The following ATRX variants were observed in gnomAD, a reference collection of about 807,000 sequenced individuals.
ATRX encodes chromatin remodeler ATRX.
ATRX carries 12 observed loss-of-function variants against 172.6 expected under a neutral mutation model. The observed-to-expected ratio is 0.07, with a 90% CI of 0.04 to 0.11. The LOEUF (loss-of-function observed/expected upper bound fraction) is 0.11. ATRX is among the 10% of genes least tolerant of loss of function. ATRX has a pLI of 1.00. For synonymous variants in ATRX, 674 were observed against 594.7 expected, an observed-to-expected ratio of 1.13 and a Z score of -1.94; for missense variants, 1,368 against 1,767.4, an observed-to-expected ratio of 0.77 and a Z score of 4.05.
intron 30 of ATRX, among the ~76,000 whole-genome samples, chrX:77,541,119 A>G (rs185893787): frequency 1.1e-3 from 122 of 112,230 alleles, no homozygotes; most frequent in Non-Finnish European, 2.0e-3. Flanking sequence ...GACGCAATAA[A>G]AAATGATAAA....
intron 21 of ATRX, among the ~76,000 whole-genome samples, chrX:77,617,388 G>A (rs1283935958): frequency 2.7e-5 from 3 of 111,015 alleles, no homozygotes; most frequent in Non-Finnish European, 5.7e-5. Context: ...TAGCCAACCT[G>A]ACCAAACGGA....
At chrX:77,524,343 T>C (rs2063318740) in intron 30 of ATRX, among the ~76,000 whole-genome samples, 1 of 112,391 alleles carries the variant, frequency 8.9e-6, no homozygotes, top group African/African-American at 3.2e-5. Flanking sequence ...TTCTAAATTG[T>C]GCATTTCTGA....
intron 28 of ATRX, among the ~76,000 whole-genome samples, chrX:77,568,776 T>C (rs1444957740): frequency 9.0e-6 from 1 of 111,689 alleles, no homozygotes; most frequent in Non-Finnish European, 1.9e-5. Context: ...GGAGTTTTAT[T>C]CCAGGCATGA....
intron 30 of ATRX, among the ~76,000 whole-genome samples, chrX:77,550,618 C>A (rs1557055549): frequency 9.1e-6 from 1 of 109,730 alleles, no homozygotes; most frequent in Admixed American, 9.8e-5. Context: ...CTGGCCAGGG[C>A]AATCAGGCAG....
chrX:77,535,164 A>G (rs782618223), intron 30 of ATRX, among the ~76,000 whole-genome samples: 18 of 112,330 alleles, frequency 1.6e-4, no homozygotes, highest in Non-Finnish European at 2.6e-4. Flanking sequence ...AGTGAATTTG[A>G]TAAGTAACTA....
intron 1 of ATRX, among the ~76,000 whole-genome samples, chrX:77,765,590 T>C (rs1367181468): frequency 8.9e-6 from 1 of 112,369 alleles, no homozygotes; most frequent in Non-Finnish European, 1.9e-5. Flanking sequence ...GGGAGTCAGA[T>C]AACCTTGGTT....
Position 77,697,625 on chromosome X carries a change from G to A in ATRX, c.200C>T (p.Ser67Phe). 8.3e-7 allele frequency: 1 copy of A among 1,209,180 alleles called. No individual in the cohort carries two copies. The highest frequency in any genetic ancestry group is 1.1e-6 in the Non-Finnish European group (1 of 893,865). ...TCCTGAAGACTTGGATTTTTCTGAA[G>A]AGCTAGTTCCCTAGATGTGAGACAT... ...MENSKEEGTS[S>F]SEKSKSSGSS... Residue 67 changes from serine (S) to phenylalanine (F), a missense_variant, in exon 4 of 35, where the codon TCT becomes TTT. By Grantham distance (155) the Ser-to-Phe change is radical (BLOSUM62 -2). Coordinates refer to ENST00000373344, the MANE Select transcript of ATRX (RefSeq NM_000489.6).
chrX:77,664,850 C>T (rs2148499734), intron 10 of ATRX, 72 bp from the exon 11 acceptor site: 3 of 977,651 alleles, frequency 3.1e-6, no homozygotes, highest in Non-Finnish European at 4.2e-6. Context: ...AAAATAAAAA[C>T]AGACTTCTTT....
intron 30 of ATRX, among the ~76,000 whole-genome samples, chrX:77,527,625 C>A (rs1206041411): frequency 1.8e-5 from 2 of 111,591 alleles, no homozygotes; most frequent in Admixed American, 9.4e-5. Context: ...GGGATCCCCG[C>A]CAAGGCATAA....
chrX:77,540,036 TCAAGAC>T (rs2063911294), intron 30 of ATRX, among the ~76,000 whole-genome samples: 1 of 111,178 alleles, frequency 9.0e-6, no homozygotes, highest in African/African-American at 3.3e-5. Flanking sequence ...TTGGATAGAA[TCAAGAC>T]CCATTGGTGT....
At chrX:77,739,571 CTAA>C (rs369680092) in intron 1 of ATRX, among the ~76,000 whole-genome samples, 2 of 110,387 alleles carry the variant, frequency 1.8e-5, no homozygotes, top group Non-Finnish European at 3.8e-5. Flanking sequence ...ACATAGGGTG[CTAA>C]TAATAAGAAA....
intron 22 of ATRX, among the ~76,000 whole-genome samples, chrX:77,609,886 G>C (rs898887929): frequency 1.1e-4 from 12 of 111,841 alleles, no homozygotes; most frequent in African/African-American, 3.9e-4. Context: ...TGGACATTAG[G>C]TACAAAAATA....
At chrX:77,686,498 C>G (rs1460748452) in intron 7 of ATRX, among the ~76,000 whole-genome samples, 3 of 111,223 alleles carry the variant, frequency 2.7e-5, no homozygotes, top group Non-Finnish European at 5.7e-5. Context: ...GGTGGATCAC[C>G]TGAGGTCAGG....
rs782391479 is a variant in ATRX at position 77,593,829 on chromosome X, TAGA to T, written c.5974_5976del (p.Ser1992del). The stretch of plus-strand genomic sequence containing the variant: ...CAGTCTGGAGCTGGGCTGCTTGGAT[TAGA>T]AGAAGAAGTAGCTTTACCTAAATAA... On this transcript the variant is annotated inframe_deletion, in exon 26 of 35. Coordinates refer to ENST00000373344, the MANE Select transcript of ATRX (RefSeq NM_000489.6). 96 of 1,207,185 alleles carry T rather than the reference TAGA, an allele frequency of 8.0e-5. No individual in the cohort carries two copies. Among genetic ancestry groups the T allele is most frequent in the African/African-American group, 5.1e-4 (29 of 56,943 alleles).
At chrX:77,534,420 TAAA>T (rs1320095464) in intron 30 of ATRX, among the ~76,000 whole-genome samples, 4 of 112,139 alleles carry the variant, frequency 3.6e-5, no homozygotes, top group Non-Finnish European at 5.6e-5. Context: ...GAGCAAGTTA[TAAA>T]AGTTAATAAA....
chrX:77,648,042 G>A (rs886822213), intron 15 of ATRX, among the ~76,000 whole-genome samples: 2 of 111,611 alleles, frequency 1.8e-5, no homozygotes, highest in Non-Finnish European at 3.8e-5. Flanking sequence ...ATAATACAGA[G>A]TCACATTACA....
intron 22 of ATRX, among the ~76,000 whole-genome samples, chrX:77,612,955 G>A (rs1417758251): frequency 9.0e-6 from 1 of 111,729 alleles, no homozygotes; most frequent in Non-Finnish European, 1.9e-5. Flanking sequence ...ATATTCCACT[G>A]AAGTATGTCC....
At position 77,520,075 on chromosome X, in the gene ATRX, G is replaced by A. The variant is rs976568175; in HGVS notation, c.7200+713C>T. On this transcript the variant is annotated intron_variant, in intron 34 of 34. Coordinates refer to ENST00000373344, the MANE Select transcript of ATRX (RefSeq NM_000489.6). ...AGGCATAGAAAGACAAAGTTCATAT[G>A]TTCTCACTTATTTCTGGAAGCTAAA... Among the ~76,000 whole-genome samples, 4 of 112,076 alleles carry A rather than the reference G, an allele frequency of 3.6e-5. No individual in the cohort carries two copies. In the East Asian group the frequency reaches 8.3e-4, roughly 23 times the overall value.
At chrX:77,698,520 A>G in intron 3 of ATRX, 54 bp downstream of exon 3, 2 of 1,079,909 alleles carry the variant, frequency 1.9e-6, no homozygotes, top group Non-Finnish European at 2.6e-6. Context: ...CTAAAGACAT[A>G]TGCTCTACTT....
Sources: gnomAD v4.1 joint callset for allele counts (sites outside exome capture counted in the v4.1 genomes callset) on GRCh38, gnomAD v4.1.1 for gene constraint, MANE v1.5 for transcripts, NCBI Gene and HGNC (gene_info 2026-07-23, HGNC 2026-07-21) for gene names.